Variants in CLASP2 observed in about 807,000 individuals in gnomAD.
The protein encoded by CLASP2 is cytoplasmic linker associated protein 2.
CLASP2 carries 47 observed loss-of-function variants against 194.4 expected under a neutral mutation model. That is an observed-to-expected ratio of 0.24 (90% confidence interval 0.19 to 0.31). The LOEUF is 0.31. Ranked by LOEUF, CLASP2 falls within the 10% of genes least tolerant of loss-of-function variation. The pLI, the probability that CLASP2 is intolerant of heterozygous loss-of-function variation, is 1.00. For synonymous variants in CLASP2, 619 were observed against 633.5 expected, an observed-to-expected ratio of 0.98 and a Z score of 0.34; for missense variants, 1,445 against 1,823.6, an observed-to-expected ratio of 0.79 and a Z score of 3.78.
At chr3:33,532,502 A>G (rs1051496724) in intron 34 of CLASP2, among the ~76,000 whole-genome samples, 3 of 152,224 alleles carry the variant, frequency 2.0e-5, no homozygotes, top group Non-Finnish European at 2.9e-5. Context: ...AACTGTATAT[A>G]TAAAATGCTT....
Position 33,548,010 on chromosome 3 carries a change from A to C in CLASP2, c.3154-3169T>G, listed in dbSNP as rs191492731. 1.2e-4 allele frequency among the ~76,000 whole-genome samples: 18 copies of C among 152,022 alleles called. No individual in the cohort carries two copies. In the East Asian group the frequency reaches 3.1e-3, roughly 26 times the overall value. On this transcript the variant is annotated intron_variant, in intron 30 of 38. Transcript: ENST00000682230. ...ACCCAGGCTGGTCTCTTCTGGGCTCAGGCAATCCACCTGCCTCAGCCTCCT... is the reference window on the plus strand; with the variant it reads ...ACCCAGGCTGGTCTCTTCTGGGCTCCGGCAATCCACCTGCCTCAGCCTCCT...
At chr3:33,511,329 C>T (rs908654039) in intron 36 of CLASP2, among the ~76,000 whole-genome samples, 28 of 152,084 alleles carry the variant, frequency 1.8e-4, no homozygotes, top group Non-Finnish European at 2.8e-4. Context: ...TGTGAGCTGC[C>T]GTGAGCGGCC....
chr3:33,520,872 C>T (rs561911126), intron 34 of CLASP2, among the ~76,000 whole-genome samples: 27 of 151,062 alleles, frequency 1.8e-4, no homozygotes, highest in Middle Eastern at 3.4e-3. Context: ...CACTCCCTAG[C>T]TCTGCCCACT....
Position 33,603,135 on chromosome 3 carries a change from A to G in CLASP2, c.1751-10T>C, listed in dbSNP as rs2072749914. 1 of 1,550,968 alleles carries G rather than the reference A, an allele frequency of 6.4e-7. No individual in the cohort carries two copies. The highest frequency in any genetic ancestry group is 1.2e-5 in the South Asian group (1 of 84,106). Reference sequence around the variant, plus strand: ...CTGCTGCCTGCTGATACTACGAAATACAAAGCAAAGATAACTTATATCATT... The same window carrying G: ...CTGCTGCCTGCTGATACTACGAAATGCAAAGCAAAGATAACTTATATCATT... On this transcript the variant is annotated splice_polypyrimidine_tract_variant and intron_variant, in intron 17 of 38. Coordinates refer to ENST00000682230, the MANE Select transcript of CLASP2 (RefSeq NM_001365631.1).
chr3:33,692,815 G>C (rs527606504), intron 2 of CLASP2, among the ~76,000 whole-genome samples: 1 of 152,110 alleles, frequency 6.6e-6, no homozygotes, highest in South Asian at 2.1e-4. Context: ...TTAAACAAAT[G>C]AATCAATCTA....
intron 23 of CLASP2, among the ~76,000 whole-genome samples, chr3:33,576,848 C>A (rs1454279112): frequency 1.3e-5 from 2 of 152,002 alleles, no homozygotes; most frequent in African/African-American, 2.4e-5. Context: ...AATTCTCCCC[C>A]TCAACTGCTT....
At chr3:33,544,643 A>G in intron 31 of CLASP2, 55 bp downstream of exon 31, 3 of 1,493,702 alleles carry the variant, frequency 2.0e-6, no homozygotes, top group Admixed American at 4.2e-5. Flanking sequence ...GAAAGCAATT[A>G]TTATTAAATC....
intron 27 of CLASP2, among the ~76,000 whole-genome samples, chr3:33,562,899 T>C (rs916899635): frequency 6.6e-6 from 1 of 152,214 alleles, no homozygotes; most frequent in Non-Finnish European, 1.5e-5. Flanking sequence ...AGTTGTGCTC[T>C]ATCCACTCTA....
At chr3:33,670,527 A>C (rs531050170) in intron 6 of CLASP2, among the ~76,000 whole-genome samples, 9 of 152,346 alleles carry the variant, frequency 5.9e-5, no homozygotes, top group African/African-American at 1.9e-4. Context: ...TAAAAAGTTA[A>C]ACAAACTACA....
intron 20 of CLASP2, among the ~76,000 whole-genome samples, chr3:33,594,724 C>A (rs1234645049): frequency 6.7e-6 from 1 of 149,384 alleles, no homozygotes. Flanking sequence ...GTTTTTCCAG[C>A]ATGAGATGAT....
intron 11 of CLASP2, 60 bp downstream of exon 11, chr3:33,622,075 G>C (rs557884683): frequency 4.8e-6 from 6 of 1,248,600 alleles, no homozygotes; most frequent in Non-Finnish European, 6.4e-6. Context: ...AATGAGCAAT[G>C]AATCAGTGAA....
chr3:33,549,282 C>T (rs74726637), intron 30 of CLASP2, among the ~76,000 whole-genome samples: 6,786 of 152,106 alleles, frequency 0.045, 477 homozygotes, highest in African/African-American at 0.15. Context: ...GTTTAGTATG[C>T]TTTTCTTTTT....
At chr3:33,595,391 A>C (rs2070002163) in intron 19 of CLASP2, among the ~76,000 whole-genome samples, 1 of 152,066 alleles carries the variant, frequency 6.6e-6, no homozygotes, top group Non-Finnish European at 1.5e-5. Flanking sequence ...GAATCAGAAA[A>C]AGCTAACTGA....
intron 27 of CLASP2, among the ~76,000 whole-genome samples, chr3:33,561,957 A>C: frequency 6.6e-6 from 1 of 152,182 alleles, no homozygotes. Flanking sequence ...TCAAAAAGTA[A>C]ATATGATAAT....
intron 7 of CLASP2, among the ~76,000 whole-genome samples, chr3:33,648,060 T>C (rs2082575393): frequency 1.3e-5 from 2 of 149,374 alleles, no homozygotes; most frequent in Admixed American, 1.3e-4. Flanking sequence ...AGTATACACA[T>C]AGAAGAAAAT....
At chr3:33,599,201 T>C (rs1402809970) in intron 18 of CLASP2, among the ~76,000 whole-genome samples, 2 of 152,166 alleles carry the variant, frequency 1.3e-5, no homozygotes, top group African/African-American at 4.8e-5. Flanking sequence ...CACGGCTCAC[T>C]GCAGCCTCTA....
chr3:33,657,833 A>G (rs368649952), intron 7 of CLASP2, among the ~76,000 whole-genome samples: 98 of 152,290 alleles, frequency 6.4e-4, no homozygotes, highest in African/African-American at 2.3e-3. Context: ...TACCAACACC[A>G]TCATTTTGAT....
intron 23 of CLASP2, chr3:33,577,270 A>G (rs1423697853): frequency 2.5e-6 from 4 of 1,597,562 alleles, no homozygotes; most frequent in Non-Finnish European, 3.4e-6. Flanking sequence ...GGAGGCTGGA[A>G]TAACAGGACC....
intron 21 of CLASP2, among the ~76,000 whole-genome samples, chr3:33,590,185 T>C (rs1006438797): frequency 1.3e-5 from 2 of 152,210 alleles, no homozygotes; most frequent in African/African-American, 4.8e-5. Context: ...CTATTAAATA[T>C]GCTACATCAT....
Sources: allele counts gnomAD v4.1 joint callset (sites outside exome capture counted in the v4.1 genomes callset), GRCh38; gene constraint gnomAD v4.1.1; transcripts MANE v1.5; gene names NCBI Gene and HGNC (gene_info 2026-07-23, HGNC 2026-07-21).